Variants in ACADM observed in about 807,000 individuals in gnomAD.
ACADM encodes the protein acyl-CoA dehydrogenase medium chain.
Under a neutral mutation model 58.9 loss-of-function variants are expected in ACADM, and 49 were observed. The ratio of observed to expected loss-of-function variants is 0.83; its 90% CI spans 0.66 to 1.06. The LOEUF is 1.06. ACADM is among the 50% of genes least tolerant of loss of function. The pLI is 0.00. For missense variants in ACADM, 496 were observed against 507.0 expected (o/e 0.98, Z 0.21); for synonymous variants, 160 against 157.7 (o/e 1.01, Z -0.11).
rs566344137 is a variant in ACADM, at chr1:75,743,787, T to G, written c.600-2019T>G. 3.4e-5 allele frequency: 52 copies of G among 1,544,638 alleles called. No homozygotes were observed. In the South Asian group the frequency reaches 4.6e-4, roughly 14 times the overall value. On this transcript the variant is annotated intron_variant, in intron 7 of 11. Transcript: ENST00000370841. ...TCATAGCTTCCACATTCCTGATGAC[T>G]GGAACCACCAGACCCTGTGGGGTGG...
At chr1:75,731,495 T>G (rs1647149441) in intron 2 of ACADM, among the ~76,000 whole-genome samples, 1 of 152,120 alleles carries the variant, frequency 6.6e-6, no homozygotes, top group Non-Finnish European at 1.5e-5. Flanking sequence ...GCAACCACAT[T>G]AAAACACAAG....
chr1:75,750,427 C>T (rs376785213), intron 9 of ACADM, 24 bp from the exon 10 acceptor site: 3 of 1,572,392 alleles, frequency 1.9e-6, no homozygotes, highest in African/African-American at 2.7e-5. Flanking sequence ...TGAACTTTTG[C>T]TTTATAATAT....
chr1:75,733,430 A>C (rs1423205945), intron 4 of ACADM, 98 bp from the exon 5 acceptor site: 1 of 1,250,254 alleles, frequency 8.0e-7, no homozygotes, highest in Non-Finnish European at 1.2e-6. Flanking sequence ...CTTTTAAAAC[A>C]AATTTTGGTC....
rs1165034744 is a variant in ACADM at position 75,762,876 on chromosome 1, AT to A, written c.*114del. The stretch of plus-strand genomic sequence containing the variant: ...GTGAAAACAAATCCTCTTATATTAA[AT>A]CTAAGCAACTGCTTATTATAGTAGT... On this transcript the variant is annotated 3_prime_UTR_variant, in exon 12 of 12. Transcript: ENST00000370841. 7.4e-6 allele frequency: 5 copies of A among 678,670 alleles called. No individual in the cohort carries two copies. In the African/African-American group the frequency reaches 9.2e-5, roughly 12 times the overall value. The allele number at this position is 678,670 out of a possible 1,614,324, so 42.0% of individuals were successfully genotyped here. A position where few individuals can be genotyped will look rare whatever the true frequency, so the allele number is the denominator to read the frequency against.
At chr1:75,742,144 C>T (rs1160757980) in intron 7 of ACADM, among the ~76,000 whole-genome samples, 2 of 150,770 alleles carry the variant, frequency 1.3e-5, no homozygotes, top group African/African-American at 2.4e-5. Flanking sequence ...TGGCTCCCAC[C>T]CCTTCCCCCC....
intron 6 of ACADM, among the ~76,000 whole-genome samples, chr1:75,737,920 A>G (rs1243281284): frequency 1.3e-5 from 2 of 151,436 alleles, no homozygotes; most frequent in African/African-American, 4.9e-5. Context: ...ATATTTATTT[A>G]TTTATTTATT....
intron 1 of ACADM, among the ~76,000 whole-genome samples, chr1:75,726,094 G>C (rs759521121): frequency 6.6e-6 from 1 of 152,180 alleles, no homozygotes; most frequent in Admixed American, 6.5e-5. Flanking sequence ...CACATGTGAA[G>C]TGACTTTTTC....
At chr1:75,742,079 G>A (rs1000531516) in intron 7 of ACADM, among the ~76,000 whole-genome samples, 3 of 152,162 alleles carry the variant, frequency 2.0e-5, no homozygotes, top group East Asian at 1.9e-4. Flanking sequence ...AAATACTTTA[G>A]TTACAAGTTC....
intron 10 of ACADM, among the ~76,000 whole-genome samples, chr1:75,758,314 A>G (rs965904846): frequency 6.6e-6 from 1 of 151,992 alleles, no homozygotes; most frequent in African/African-American, 2.4e-5. Context: ...CAGGTGATCC[A>G]CCCACCTTGG....
In ACADM at chr1:75,728,427, T is replaced by C. The variant is rs762984318; in HGVS notation, c.57T>C (p.His19=). ...CRVLRSISRF[H]WRSQHTKANR... ...TCCTGAGAAGTATTTCTCGTTTTCA[T>C]TGGAGATCACAGCATACAAAAGCCA... Residue 19 remains histidine (H), a synonymous_variant, in exon 2 of 12, where the codon CAT becomes CAC. Transcript: ENST00000370841. 159 of 1,613,430 alleles carry C rather than the reference T, an allele frequency of 9.9e-5. No homozygotes were observed. The highest frequency in any genetic ancestry group is 1.2e-4 in the Non-Finnish European group (146 of 1,179,688).
chr1:75,744,559 A>G, intron 7 of ACADM: 1 of 1,477,028 alleles, frequency 6.8e-7, no homozygotes, highest in Non-Finnish European at 9.5e-7. Context: ...TGGGGTTTTG[A>G]CTGTAACCAA....
At chr1:75,740,223 G>A in intron 7 of ACADM, 113 bp downstream of exon 7, 2 of 1,095,078 alleles carry the variant, frequency 1.8e-6, no homozygotes, top group South Asian at 2.6e-5. Flanking sequence ...TTGTGGAACT[G>A]GAAGGCCTAA....
At chr1:75,748,398 TACCC>T in intron 8 of ACADM, among the ~76,000 whole-genome samples, 1 of 152,212 alleles carries the variant, frequency 6.6e-6, no homozygotes, top group South Asian at 2.1e-4. Context: ...CTTAAATAAA[TACCC>T]AAGAGAAATG....
At chr1:75,761,039 A>T in intron 10 of ACADM, 83 bp from the exon 11 acceptor site, 1 of 1,353,134 alleles carries the variant, frequency 7.4e-7, no homozygotes, top group South Asian at 1.3e-5. Flanking sequence ...AGACCCCGTC[A>T]CTATAAAAAT....
At chr1:75,738,422 A>G (rs932410011) in intron 6 of ACADM, among the ~76,000 whole-genome samples, 5 of 151,360 alleles carry the variant, frequency 3.3e-5, no homozygotes, top group Admixed American at 6.6e-5. Flanking sequence ...GGGTTTCACC[A>G]TGTTGGCCAG....
At position 75,734,782 on chromosome 1, in the gene ACADM, C is replaced by T; in HGVS notation, c.388-9C>T. 6 of 1,606,762 alleles carry T rather than the reference C, an allele frequency of 3.7e-6. No individual in the cohort carries two copies. Among genetic ancestry groups the T allele is most frequent in the Non-Finnish European group, 5.1e-6 (6 of 1,173,942 alleles). ...GACTTGATTTTTTAATGTCAATTTT[C>T]TTCGGTAGCAAATGCCTATTATTAT... On this transcript the variant is annotated splice_polypyrimidine_tract_variant and intron_variant, in intron 5 of 11. Transcript: ENST00000370841.
chr1:75,745,706 G>A (rs112318548), intron 7 of ACADM, 100 bp from the exon 8 acceptor site: 11 of 921,350 alleles, frequency 1.2e-5, no homozygotes, highest in African/African-American at 9.7e-5. Context: ...TAAAATGTAG[G>A]TAATAATAAT....
intron 8 of ACADM, 115 bp from the exon 9 acceptor site, chr1:75,749,304 A>G: frequency 9.5e-7 from 1 of 1,051,892 alleles, no homozygotes; most frequent in South Asian, 1.4e-5. Context: ...ATTGCAGACT[A>G]CAGTTTGTTG....
chr1:75,733,237 T>C, intron 4 of ACADM: 1 of 1,535,008 alleles, frequency 6.5e-7, no homozygotes, highest in Non-Finnish European at 8.8e-7. Context: ...TTGTGAACCA[T>C]GATTCTTTTC....
Sources: gnomAD v4.1 joint callset for allele counts (sites outside exome capture counted in the v4.1 genomes callset) on GRCh38, gnomAD v4.1.1 for gene constraint, MANE v1.5 for transcripts, NCBI Gene and HGNC (gene_info 2026-07-23, HGNC 2026-07-21) for gene names.